The following TMEM232 variants were observed in gnomAD, a reference collection of about 807,000 sequenced individuals.
TMEM232 encodes the protein transmembrane protein 232.
Under a neutral mutation model 78.8 loss-of-function variants are expected in TMEM232, and 80 were observed. That is an observed-to-expected ratio of 1.01 (90% confidence interval 0.85 to 1.22). The LOEUF (loss-of-function observed/expected upper bound fraction) is 1.22. TMEM232 is among the 50% of genes most tolerant of loss of function. The pLI is 0.00. For missense variants in TMEM232, 881 were observed against 742.2 expected, an observed-to-expected ratio of 1.19 and a Z score of -2.17; for synonymous variants, 297 against 254.3, an observed-to-expected ratio of 1.17 and a Z score of -1.60.
intron 12 of TMEM232, among the ~76,000 whole-genome samples, chr5:110,451,955 ATTGAGAGAAGTTTCAGCTACTAT>A (rs1760344696): frequency 6.6e-6 from 1 of 152,158 alleles, no homozygotes; most frequent in African/African-American, 2.4e-5. Context: ...GTGCTAAGAT[ATTGAGAGAAGTTTCAGCTACTAT>A]TTTTGTTGAC....
intron 10 of TMEM232, among the ~76,000 whole-genome samples, chr5:110,569,194 G>T (rs1776659097): frequency 6.6e-6 from 1 of 151,810 alleles, no homozygotes; most frequent in African/African-American, 2.4e-5. Flanking sequence ...TGAAAACAGA[G>T]ATTTAAAAAC....
At chr5:110,518,065 T>G (rs1188736971) in intron 12 of TMEM232, among the ~76,000 whole-genome samples, 1 of 152,146 alleles carries the variant, frequency 6.6e-6, no homozygotes, top group Non-Finnish European at 1.5e-5. Flanking sequence ...CAACTTTATT[T>G]CTGCTTATTG....
At chr5:110,733,801 T>A (rs968291598) in intron 2 of TMEM232, among the ~76,000 whole-genome samples, 6 of 152,202 alleles carry the variant, frequency 3.9e-5, no homozygotes, top group African/African-American at 1.4e-4. Context: ...TTTAGCTACA[T>A]AATAAACCTG....
At chr5:110,646,354 A>G (rs1027898240) in intron 2 of TMEM232, among the ~76,000 whole-genome samples, 4 of 151,822 alleles carry the variant, frequency 2.6e-5, no homozygotes, top group Non-Finnish European at 5.9e-5. Flanking sequence ...TTAAACCAGC[A>G]TGGTACCGGC....
chr5:110,722,985 C>T (rs1797801501), intron 1 of TMEM232, among the ~76,000 whole-genome samples: 1 of 151,992 alleles, frequency 6.6e-6, no homozygotes, highest in African/African-American at 2.4e-5. Context: ...TTATAATGTC[C>T]TTGTCTTATT....
rs370561294 is a variant in TMEM232 at position 110,591,419 on chromosome 5, C to T, written c.1276+13690G>A. ...TTTTCAGTGTCATATGTACCTTATA[C>T]ATAAATAAAGTAAGATTCCTCCAGA... is the stretch of plus-strand genomic sequence containing the variant. On this transcript the variant is annotated intron_variant, in intron 10 of 13. Transcript: ENST00000455884. Among the ~76,000 whole-genome samples the T allele has an allele frequency of 3.9e-5, 6 of 152,242 alleles. No individual in the cohort carries two copies. In the South Asian group the frequency reaches 1.0e-3, roughly 26 times the overall value.
In TMEM232 at chr5:110,507,377, T is replaced by C. The variant is rs139287553; in HGVS notation, c.1703+21211A>G. 4.9e-3 allele frequency among the ~76,000 whole-genome samples: 746 copies of C among 152,302 alleles called. 2 individuals carry two copies. The highest frequency in any genetic ancestry group is 0.017 in the African/African-American group (695 of 41,562). ...ATGATGACTGGGAATGTGATGATGATTGCTGCTGCCACTTCCACAACTACT... is the reference window on the plus strand; with the variant it reads ...ATGATGACTGGGAATGTGATGATGACTGCTGCTGCCACTTCCACAACTACT... On this transcript the variant is annotated intron_variant, in intron 12 of 13. Coordinates refer to ENST00000455884, the MANE Select transcript of TMEM232 (RefSeq NM_001039763.4).
At chr5:110,559,682 G>C (rs1048729982) in intron 11 of TMEM232, among the ~76,000 whole-genome samples, 5 of 152,040 alleles carry the variant, frequency 3.3e-5, no homozygotes, top group Non-Finnish European at 5.9e-5. Flanking sequence ...TTTCAGTATT[G>C]GTAAGGATTA....
At chr5:110,622,947 C>G (rs1783953224) in intron 7 of TMEM232, among the ~76,000 whole-genome samples, 1 of 151,638 alleles carries the variant, frequency 6.6e-6, no homozygotes, top group Non-Finnish European at 1.5e-5. Context: ...ACATATGTAA[C>G]TAACCTGCAC....
At chr5:110,604,621 T>C (rs1292507571) in intron 10 of TMEM232, among the ~76,000 whole-genome samples, 1 of 152,192 alleles carries the variant, frequency 6.6e-6, no homozygotes, top group Non-Finnish European at 1.5e-5. Context: ...GAATCATCAG[T>C]CAACTGAATC....
chr5:110,641,481 G>A (rs958976284), intron 3 of TMEM232, among the ~76,000 whole-genome samples: 16 of 152,078 alleles, frequency 1.1e-4, no homozygotes, highest in African/African-American at 3.9e-4. Context: ...GACTGTTGCA[G>A]GGAACACTTG....
chr5:110,486,169 T>G (rs1336435048), intron 12 of TMEM232, among the ~76,000 whole-genome samples: 4 of 146,494 alleles, frequency 2.7e-5, no homozygotes, highest in Admixed American at 2.1e-4. Flanking sequence ...TAACGGGAGG[T>G]TTTTTTTTTT....
chr5:110,593,191 T>C (rs532257061), intron 10 of TMEM232, among the ~76,000 whole-genome samples: 18 of 152,140 alleles, frequency 1.2e-4, no homozygotes, highest in Non-Finnish European at 2.5e-4. Context: ...AAAAAGATTC[T>C]CAGTAGGTCT....
upstream of TMEM232, among the ~76,000 whole-genome samples, chr5:110,728,218 C>T (rs151141431): frequency 5.7e-3 from 852 of 150,528 alleles, 5 homozygotes; most frequent in African/African-American, 0.019. Flanking sequence ...TTCACAAATA[C>T]ATATATATAT....
chr5:110,581,978 A>G (rs1417549245), intron 10 of TMEM232, among the ~76,000 whole-genome samples: 1 of 151,984 alleles, frequency 6.6e-6, no homozygotes, highest in Non-Finnish European at 1.5e-5. Flanking sequence ...CACCAAACAG[A>G]GTGACTGTTA....
At chr5:110,543,720 G>C (rs778555787) in intron 11 of TMEM232, among the ~76,000 whole-genome samples, 1 of 152,102 alleles carries the variant, frequency 6.6e-6, no homozygotes, top group Non-Finnish European at 1.5e-5. Flanking sequence ...CCCTAGGACA[G>C]AGCACTAGAG....
At chr5:110,516,266 G>T (rs1359939045) in intron 12 of TMEM232, among the ~76,000 whole-genome samples, 1 of 152,000 alleles carries the variant, frequency 6.6e-6, no homozygotes, top group East Asian at 1.9e-4. Flanking sequence ...AATTTTTTTT[G>T]AACAAACTAA....
chr5:110,637,938 G>A (rs1316582760), intron 5 of TMEM232, among the ~76,000 whole-genome samples: 1 of 151,888 alleles, frequency 6.6e-6, no homozygotes, highest in Non-Finnish European at 1.5e-5. Flanking sequence ...TAGAGAAACA[G>A]TTAAGTAGAA....
At chr5:110,548,183 T>G (rs1774014901) in intron 11 of TMEM232, among the ~76,000 whole-genome samples, 1 of 151,178 alleles carries the variant, frequency 6.6e-6, no homozygotes, top group Non-Finnish European at 1.5e-5. Flanking sequence ...TTTAAATATG[T>G]GGGTAAGCTT....
Sources: allele counts gnomAD v4.1 joint callset (sites outside exome capture counted in the v4.1 genomes callset), GRCh38; gene constraint gnomAD v4.1.1; transcripts MANE v1.5; gene names NCBI Gene and HGNC (gene_info 2026-07-23, HGNC 2026-07-21).